Variants in WWOX observed in about 807,000 individuals in gnomAD.
The protein encoded by WWOX is WW domain-containing oxidoreductase.
A neutral mutation model predicts 46.2 loss-of-function variants in WWOX; 69 were observed. The ratio of observed to expected loss-of-function variants is 1.49; its 90% CI spans 1.23 to 1.82. The LOEUF (loss-of-function observed/expected upper bound fraction) is 1.82, where lower values mean the gene tolerates loss of function less well. Ranked by LOEUF, WWOX falls within the 40% of genes most tolerant of loss-of-function variation. The probability of loss-of-function intolerance (pLI) is 0.00; values close to 1 mark genes in which losing one functional copy is unlikely to be tolerated. For synonymous variants in WWOX, 359 were observed against 202.6 expected (o/e 1.77, Z -6.56); for missense variants, 919 against 542.6 (o/e 1.69, Z -6.89).
chr16:78,733,098 A>G (rs777669382), intron 8 of WWOX, among the ~76,000 whole-genome samples: 55 of 151,942 alleles, frequency 3.6e-4, no homozygotes, highest in Non-Finnish European at 6.3e-4. Flanking sequence ...TTTTTGTCCC[A>G]TTTGCTCCGC....
chr16:78,971,077 G>T (rs532868519), intron 8 of WWOX, among the ~76,000 whole-genome samples: 1 of 151,978 alleles, frequency 6.6e-6, no homozygotes, highest in African/African-American at 2.4e-5. Context: ...GTATACATAT[G>T]TATATGTATA....
At chr16:78,157,454 C>T (rs1022878923) in intron 4 of WWOX, among the ~76,000 whole-genome samples, 4 of 152,214 alleles carry the variant, frequency 2.6e-5, no homozygotes, top group Admixed American at 6.5e-5. Context: ...AGATTATTGT[C>T]GTCTTGCTTT....
chr16:78,996,405 A>C, intron 8 of WWOX: 2 of 858,036 alleles, frequency 2.3e-6, no homozygotes, highest in Non-Finnish European at 2.7e-6. Context: ...CCCACCTGTA[A>C]AATGATTTGC....
At chr16:78,795,357 C>A (rs937355291) in intron 8 of WWOX, among the ~76,000 whole-genome samples, 1 of 152,136 alleles carries the variant, frequency 6.6e-6, no homozygotes, top group Admixed American at 6.5e-5. Flanking sequence ...CTCTTTAACA[C>A]CATATGCTTC....
chr16:78,281,863 C>A (rs901254185), intron 5 of WWOX, among the ~76,000 whole-genome samples: 1 of 152,192 alleles, frequency 6.6e-6, no homozygotes, highest in Non-Finnish European at 1.5e-5. Context: ...TTAAATATGT[C>A]ATCGAGGTCC....
intron 8 of WWOX, among the ~76,000 whole-genome samples, chr16:79,025,763 C>G (rs531938695): frequency 4.0e-5 from 6 of 149,688 alleles, no homozygotes; most frequent in Non-Finnish European, 5.9e-5. Context: ...CATCCTTCAT[C>G]TCCCCTGTTG....
chr16:78,105,077 C>G (rs776310823), intron 1 of WWOX, among the ~76,000 whole-genome samples: 6 of 152,214 alleles, frequency 3.9e-5, no homozygotes, highest in Non-Finnish European at 7.3e-5. Flanking sequence ...CTGGCAATGT[C>G]TGGAGATGCT....
chr16:79,002,385 G>A (rs1000756284), intron 8 of WWOX, among the ~76,000 whole-genome samples: 5 of 151,774 alleles, frequency 3.3e-5, no homozygotes, highest in East Asian at 3.9e-4. Flanking sequence ...CACCATGCCC[G>A]GCTAGTTTTT....
rs537182531 is a variant in WWOX at position 78,149,252 on chromosome 16, G to A, written c.410-14931G>A. Among the ~76,000 whole-genome samples, 9 of 152,254 alleles carry A rather than the reference G, an allele frequency of 5.9e-5. No individual in the cohort carries two copies. The South Asian group carries it at 1.7e-3, about 28-fold the overall frequency. On this transcript the variant is annotated intron_variant, in intron 4 of 8. Coordinates refer to ENST00000566780, the MANE Select transcript of WWOX (RefSeq NM_016373.4). ...AAAAAAATTGAGTATAACTTGTAAC[G>A]GTCATGGTGTAAAGATCATTTTTTA...
At chr16:79,034,045 C>T (rs1240982334) in intron 8 of WWOX, among the ~76,000 whole-genome samples, 3 of 152,198 alleles carry the variant, frequency 2.0e-5, no homozygotes, top group Non-Finnish European at 4.4e-5. Context: ...CTATGGCTCA[C>T]GGCTGTGGCT....
intron 8 of WWOX, among the ~76,000 whole-genome samples, chr16:78,723,918 T>C (rs1355220097): frequency 1.3e-5 from 2 of 152,148 alleles, no homozygotes; most frequent in African/African-American, 2.4e-5. Flanking sequence ...GTTTGGATTA[T>C]TTGAGGACCT....
At position 78,575,709 on chromosome 16, in the gene WWOX, CTTGA is replaced by C. The variant is rs562179134; in HGVS notation, c.1056+142960_1056+142963del. Among the ~76,000 whole-genome samples, 200 of 152,266 alleles carry C rather than the reference CTTGA, an allele frequency of 1.3e-3. 1 individual carries two copies. The highest frequency in any genetic ancestry group is 4.6e-3 in the African/African-American group (192 of 41,556). ...CACCCTCCTAAAGCCACGATTTGGTCTTGATTATTTTTAGCACTATGAAGAAAAA... is the reference window on the plus strand; with the variant it reads ...CACCCTCCTAAAGCCACGATTTGGTCTTATTTTTAGCACTATGAAGAAAAA... On this transcript the variant is annotated intron_variant, in intron 8 of 8. Transcript: ENST00000566780.
chr16:78,832,205 G>A (rs921117740), intron 8 of WWOX, among the ~76,000 whole-genome samples: 4 of 152,022 alleles, frequency 2.6e-5, no homozygotes, highest in Non-Finnish European at 5.9e-5. Flanking sequence ...CGTGTCCAAG[G>A]GGCTCACTGA....
chr16:78,512,160 C>T (rs1366187513), intron 8 of WWOX, among the ~76,000 whole-genome samples: 5 of 151,956 alleles, frequency 3.3e-5, no homozygotes, highest in Non-Finnish European at 7.4e-5. Flanking sequence ...GTATAGCAGC[C>T]CTGTGGTGTT....
At chr16:78,538,342 C>T (rs1031056492) in intron 8 of WWOX, among the ~76,000 whole-genome samples, 3 of 151,716 alleles carry the variant, frequency 2.0e-5, no homozygotes, top group South Asian at 2.1e-4. Flanking sequence ...GCACGGCTGC[C>T]AGCGCTCTAT....
At chr16:78,397,380 T>A (rs7198400) in intron 6 of WWOX, among the ~76,000 whole-genome samples, 1 of 152,024 alleles carries the variant, frequency 6.6e-6, no homozygotes, top group African/African-American at 2.4e-5. Context: ...TTATAATGAC[T>A]CTAAGAGTGG....
chr16:78,575,027 A>T (rs1597291007), intron 8 of WWOX, among the ~76,000 whole-genome samples: 2 of 1,722 alleles, frequency 1.2e-3, no homozygotes, highest in African/African-American at 4.1e-3. Context: ...ATATAAATAT[A>T]TATATATATA....
chr16:78,769,380 C>T (rs1221623147), intron 8 of WWOX, among the ~76,000 whole-genome samples: 1 of 152,108 alleles, frequency 6.6e-6, no homozygotes, highest in Non-Finnish European at 1.5e-5. Context: ...CCCCTCCTTC[C>T]TTCCTATCCA....
At chr16:78,846,898 C>G (rs1001124158) in intron 8 of WWOX, among the ~76,000 whole-genome samples, 1 of 152,132 alleles carries the variant, frequency 6.6e-6, no homozygotes, top group African/African-American at 2.4e-5. Context: ...TTCTTCTTCT[C>G]CATTTATATT....
Sources: allele counts gnomAD v4.1 joint callset (sites outside exome capture counted in the v4.1 genomes callset), GRCh38; gene constraint gnomAD v4.1.1; transcripts MANE v1.5; gene names NCBI Gene and HGNC (gene_info 2026-07-23, HGNC 2026-07-21).